GBE1: variants seen among roughly 807,000 people sequenced by gnomAD.
GBE1 encodes 1,4-alpha-glucan-branching enzyme.
A neutral mutation model predicts 88.8 loss-of-function variants in GBE1; 70 were observed. That is an observed-to-expected ratio of 0.79 (90% CI 0.65 to 0.96). The LOEUF (loss-of-function observed/expected upper bound fraction) is 0.96, where lower values mean the gene tolerates loss of function less well. Ranked by LOEUF, GBE1 falls within the 40% of genes least tolerant of loss-of-function variation. The pLI is 0.00. For missense variants in GBE1, 872 were observed against 871.0 expected, an observed-to-expected ratio of 1.00 and a Z score of -0.01; for synonymous variants, 284 against 300.1, an observed-to-expected ratio of 0.95 and a Z score of 0.56.
At chr3:81,715,463 C>T (rs982618277) in intron 1 of GBE1, among the ~76,000 whole-genome samples, 10 of 152,116 alleles carry the variant, frequency 6.6e-5, no homozygotes, top group Non-Finnish European at 1.5e-4. Flanking sequence ...GCTCAAACTG[C>T]AGGTCGGTGG....
At chr3:81,730,858 T>C (rs1018049197) in intron 1 of GBE1, among the ~76,000 whole-genome samples, 23 of 152,094 alleles carry the variant, frequency 1.5e-4, no homozygotes, top group African/African-American at 5.3e-4. Context: ...AGCAAATATG[T>C]TTATATGACT....
intron 7 of GBE1, among the ~76,000 whole-genome samples, chr3:81,606,916 G>T (rs1704110777): frequency 1.3e-5 from 2 of 152,106 alleles, no homozygotes; most frequent in Non-Finnish European, 2.9e-5. Flanking sequence ...CTATGCTGTA[G>T]ATGTACAGAT....
intron 12 of GBE1, among the ~76,000 whole-genome samples, chr3:81,564,853 A>T (rs970686315): frequency 6.6e-6 from 1 of 152,046 alleles, no homozygotes; most frequent in East Asian, 1.9e-4. Context: ...CCATCAGTGG[A>T]TCTCTATGTT....
intron 1 of GBE1, among the ~76,000 whole-genome samples, chr3:81,751,110 G>A (rs965835898): frequency 2.6e-5 from 4 of 151,524 alleles, no homozygotes; most frequent in Non-Finnish European, 5.9e-5. Context: ...CCGGCCCTCC[G>A]CCAAAAAAAA....
intron 12 of GBE1, among the ~76,000 whole-genome samples, chr3:81,541,794 G>C (rs1181425472): frequency 6.6e-6 from 1 of 152,060 alleles, no homozygotes; most frequent in Non-Finnish European, 1.5e-5. Flanking sequence ...GGACAAACAG[G>C]CTAAGATAAT....
intron 7 of GBE1, among the ~76,000 whole-genome samples, chr3:81,602,406 TA>T (rs1328205398): frequency 6.6e-6 from 1 of 152,200 alleles, no homozygotes; most frequent in Admixed American, 6.6e-5. Flanking sequence ...CAAATTGCCA[TA>T]GACAGAGTAG....
chr3:81,650,883 C>A (rs1704840146), intron 3 of GBE1, among the ~76,000 whole-genome samples: 1 of 151,992 alleles, frequency 6.6e-6, no homozygotes, highest in Non-Finnish European at 1.5e-5. Context: ...TCTGTGTTGC[C>A]CAGGCTAGTC....
intron 14 of GBE1, among the ~76,000 whole-genome samples, chr3:81,533,798 A>C (rs1703038883): frequency 6.6e-6 from 1 of 152,034 alleles, no homozygotes; most frequent in Non-Finnish European, 1.5e-5. Flanking sequence ...AGAGATGCAC[A>C]AAAAAATCTG....
intron 1 of GBE1, among the ~76,000 whole-genome samples, chr3:81,720,331 ACT>A (rs1491524756): frequency 1.3e-5 from 2 of 148,818 alleles, no homozygotes; most frequent in African/African-American, 5.0e-5. Context: ...ACACGCACAC[ACT>A]GTGTGTGTAT....
At chr3:81,685,872 T>C (rs956276319) in intron 2 of GBE1, among the ~76,000 whole-genome samples, 5 of 152,300 alleles carry the variant, frequency 3.3e-5, no homozygotes, top group South Asian at 2.1e-4. Context: ...CTACCATTGA[T>C]AGACCAATTT....
chr3:81,600,780 T>C (rs1053590747), intron 7 of GBE1, among the ~76,000 whole-genome samples: 3 of 152,106 alleles, frequency 2.0e-5, no homozygotes, highest in Non-Finnish European at 4.4e-5. Flanking sequence ...ACAATGTACT[T>C]GGAGACCAAA....
chr3:81,733,227 G>C lies in GBE1; in HGVS notation c.144-27614C>G, dbSNP rs1248417472. Among the ~76,000 whole-genome samples the C allele has an allele frequency of 2.0e-5, 3 of 151,872 alleles. No individual in the cohort carries two copies. The highest frequency in any genetic ancestry group is 2.9e-5 in the Non-Finnish European group (2 of 67,976). ...TGAACTGCACATGCAAGGGATCTAA[G>C]TTGCGTGTTCCCATGAGAATCTAAT... is the stretch of plus-strand genomic sequence containing the variant. On this transcript the variant is annotated intron_variant, in intron 1 of 15. Transcript: ENST00000429644. The surrounding 1 kb of genome is among the most constrained non-coding windows in gnomAD (Gnocchi z 4.0).
intron 7 of GBE1, among the ~76,000 whole-genome samples, chr3:81,601,575 T>C (rs1392262716): frequency 6.6e-6 from 1 of 152,150 alleles, no homozygotes; most frequent in East Asian, 1.9e-4. Flanking sequence ...TGAATGGGGA[T>C]TAAATGGAAT....
chr3:81,688,715 G>A (rs1705477204), intron 2 of GBE1, among the ~76,000 whole-genome samples: 1 of 151,850 alleles, frequency 6.6e-6, no homozygotes, highest in African/African-American at 2.4e-5. Context: ...CAATTGTGTA[G>A]ACCAAGATTT....
At chr3:81,512,203 A>G (rs1052163051) in intron 14 of GBE1, among the ~76,000 whole-genome samples, 3 of 151,838 alleles carry the variant, frequency 2.0e-5, no homozygotes, top group African/African-American at 7.2e-5. Context: ...GAGCCGGGAG[A>G]GTGGGATGGA....
intron 12 of GBE1, among the ~76,000 whole-genome samples, chr3:81,538,490 C>T (rs1291007073): frequency 6.6e-6 from 1 of 151,922 alleles, no homozygotes; most frequent in Admixed American, 6.6e-5. Flanking sequence ...ATGTTGTCCA[C>T]AGTGTGTCAT....
chr3:81,708,830 C>CA (rs998244136), intron 1 of GBE1, among the ~76,000 whole-genome samples: 1 of 151,488 alleles, frequency 6.6e-6, no homozygotes, highest in Non-Finnish European at 1.5e-5. Context: ...TGACAACCAT[C>CA]AAAAAAAATG....
At chr3:81,661,599 AGCAGTAG>A (rs2107098167) in intron 3 of GBE1, among the ~76,000 whole-genome samples, 1 of 152,298 alleles carries the variant, frequency 6.6e-6, no homozygotes, top group African/African-American at 2.4e-5. Flanking sequence ...AACCCTGAAA[AGCAGTAG>A]GAACTCCTGA....
At chr3:81,644,964 G>A (rs1704744275) in intron 6 of GBE1, among the ~76,000 whole-genome samples, 1 of 152,134 alleles carries the variant, frequency 6.6e-6, no homozygotes, top group African/African-American at 2.4e-5. Context: ...ACTAGAAGAT[G>A]AAAATGTCAT....
Sources: gnomAD v4.1 joint callset for allele counts (sites outside exome capture counted in the v4.1 genomes callset) on GRCh38, gnomAD v4.1.1 for gene constraint, Gnocchi (gnomAD v3.1) non-coding constraint, MANE v1.5 for transcripts, NCBI Gene and HGNC (gene_info 2026-07-23, HGNC 2026-07-21) for gene names.